The following NHSL1 variants were observed in gnomAD, a reference collection of about 807,000 sequenced individuals.
NHSL1 encodes NHS-like protein 1.
NHSL1 carries 48 observed loss-of-function variants against 95.0 expected under a neutral mutation model. That is an observed-to-expected ratio of 0.51 (90% confidence interval 0.40 to 0.64). The LOEUF is 0.64. Ranked by LOEUF, NHSL1 falls within the 30% of genes least tolerant of loss-of-function variation. The pLI is 0.00. For missense variants in NHSL1, 1,971 were observed against 2,077.7 expected (o/e 0.95, Z 1.00); for synonymous variants, 783 against 833.9 (o/e 0.94, Z 1.05).
chr6:138,683,847 G>A (rs1785544886), intron 1 of NHSL1, among the ~76,000 whole-genome samples: 1 of 152,210 alleles, frequency 6.6e-6, no homozygotes, highest in Non-Finnish European at 1.5e-5. Context: ...CAGAGCCATT[G>A]TACATATTAA....
At chr6:138,500,411 T>C (rs1222864783), upstream of NHSL1, among the ~76,000 whole-genome samples, 2 of 151,590 alleles carry the variant, frequency 1.3e-5, no homozygotes, top group Admixed American at 1.3e-4. Flanking sequence ...GGTAAAGGGA[T>C]AGGAAAAAAG....
intron 1 of NHSL1, among the ~76,000 whole-genome samples, chr6:138,583,168 T>C (rs1054486774): frequency 3.3e-5 from 5 of 152,080 alleles, no homozygotes; most frequent in African/African-American, 9.7e-5. Context: ...AGGTGTCCCT[T>C]CCCCTCCTAG....
chr6:138,665,956 CCAT>C lies in NHSL1; in HGVS notation c.96+26517_96+26519del, dbSNP rs982698478. Among the ~76,000 whole-genome samples the C allele has an allele frequency of 7.1e-4, 108 of 152,162 alleles. 1 individual carries two copies. The highest frequency in any genetic ancestry group is 2.2e-3 in the African/African-American group (93 of 41,434). ...CTGTGTCTATTGAGAATAAAATTAT[CCAT>C]AAGACAAATGCTAGCTCTTGAGGTG... On this transcript the variant is annotated intron_variant, in intron 1 of 3. Transcript: ENST00000491526.
At chr6:138,657,412 G>A (rs575482910) in intron 1 of NHSL1, among the ~76,000 whole-genome samples, 8 of 152,298 alleles carry the variant, frequency 5.3e-5, no homozygotes, top group African/African-American at 1.2e-4. Flanking sequence ...CAACACTAGG[G>A]CTGATTCACC....
intron 4 of NHSL1, among the ~76,000 whole-genome samples, chr6:138,443,046 CAT>C (rs921787135): frequency 1.4e-5 from 2 of 147,126 alleles, no homozygotes; most frequent in African/African-American, 5.4e-5. Context: ...CATATATATA[CAT>C]ATATACACAC....
At chr6:138,669,994 G>A (rs1357983235) in intron 1 of NHSL1, among the ~76,000 whole-genome samples, 1 of 152,142 alleles carries the variant, frequency 6.6e-6, no homozygotes, top group African/African-American at 2.4e-5. Flanking sequence ...GGTAACATGT[G>A]CCTGTAATCC....
At position 138,430,161 on chromosome 6, in the gene NHSL1, C is replaced by G. The variant is rs1775538898; in HGVS notation, c.3952+232G>C. Among the ~76,000 whole-genome samples the G allele has an allele frequency of 4.6e-5, 7 of 152,184 alleles. 1 individual carries two copies. Among genetic ancestry groups the G allele is most frequent in the Admixed American group, 4.6e-4 (7 of 15,282 alleles). On this transcript the variant is annotated intron_variant, in intron 6 of 7. Transcript: ENST00000343505. This position sits in a 1 kb window ranked among gnomAD's most constrained non-coding sequence, Gnocchi z 4.7. ...ATACCCAGCCTGCTGCAGATCATCT[C>G]CATCCCCCTATTTTCTGCCATGCCT...
rs147473118 is a variant in NHSL1 at position 138,523,034 on chromosome 6, C to G, written c.16+22589G>C. Reference sequence around the variant, plus strand: ...GGGTCTCTGTCCCCCCACCCCCACCCTTTCATGATCTCTCTGTATAACATT... The same window carrying G: ...GGGTCTCTGTCCCCCCACCCCCACCGTTTCATGATCTCTCTGTATAACATT... On this transcript the variant is annotated intron_variant, in intron 1 of 4. Coordinates refer to the NHSL1 transcript ENST00000342260. Among the ~76,000 whole-genome samples the G allele has an allele frequency of 2.2e-3, 331 of 151,886 alleles. 2 individuals carry two copies. The highest frequency in any genetic ancestry group is 7.7e-3 in the African/African-American group (320 of 41,340).
intron 2 of NHSL1, among the ~76,000 whole-genome samples, chr6:138,475,586 A>T (rs1328963978): frequency 6.6e-6 from 1 of 152,044 alleles, no homozygotes; most frequent in Non-Finnish European, 1.5e-5. Context: ...TAAATACTGG[A>T]TTAGATTTTC....
intron 4 of NHSL1, among the ~76,000 whole-genome samples, chr6:138,444,987 T>A (rs1051753855): frequency 6.6e-6 from 1 of 152,200 alleles, no homozygotes; most frequent in Non-Finnish European, 1.5e-5. Context: ...CTTTCTTTAT[T>A]GTCATTCACC....
At chr6:138,486,865 C>T (rs7752793) in intron 2 of NHSL1, among the ~76,000 whole-genome samples, 8,550 of 152,200 alleles carry the variant, frequency 0.056, 779 homozygotes, top group African/African-American at 0.19. Flanking sequence ...TCATAAGCAG[C>T]AGAATGGTGG....
At chr6:138,485,953 G>A (rs1010296827) in intron 2 of NHSL1, among the ~76,000 whole-genome samples, 1 of 152,082 alleles carries the variant, frequency 6.6e-6, no homozygotes, top group Admixed American at 6.6e-5. Flanking sequence ...ATATGGCGGG[G>A]GCCACATTGC....
intron 1 of NHSL1, among the ~76,000 whole-genome samples, chr6:138,521,606 A>G (rs1781687150): frequency 6.6e-6 from 1 of 152,148 alleles, no homozygotes; most frequent in African/African-American, 2.4e-5. Context: ...TCTGTCACAC[A>G]TTTTAGGTTG....
At chr6:138,514,318 AAAACAAACAAAC>A (rs59958557) in intron 1 of NHSL1, among the ~76,000 whole-genome samples, 1 of 149,698 alleles carries the variant, frequency 6.7e-6, no homozygotes, top group African/African-American at 2.5e-5. Context: ...ACTCCATCTC[AAAACAAACAAAC>A]AAACAAACAA....
In NHSL1 at chr6:138,690,084, G is replaced by A. The variant is rs115014399; in HGVS notation, c.96+2392C>T. On this transcript the variant is annotated intron_variant, in intron 1 of 3. Coordinates refer to the NHSL1 transcript ENST00000491526. Reference sequence around the variant, plus strand: ...AATTAACTGCAATGCTGTTGGACTGGATTTCCTCTCTGGGTAAGAATTCAC... The same window carrying A: ...AATTAACTGCAATGCTGTTGGACTGAATTTCCTCTCTGGGTAAGAATTCAC... Among the ~76,000 whole-genome samples the A allele has an allele frequency of 5.7e-3, 870 of 152,306 alleles. 7 individuals are homozygous for A. The highest frequency in any genetic ancestry group is 0.019 in the African/African-American group (796 of 41,572).
intron 1 of NHSL1, chr6:138,512,198 C>T (rs1162678237): frequency 4.6e-6 from 2 of 437,114 alleles, no homozygotes; most frequent in Admixed American, 5.1e-5. Flanking sequence ...CTTTCCCATG[C>T]TTAATGTTTA....
chr6:138,447,033 A>T lies in NHSL1; in HGVS notation c.500T>A (p.Val167Asp). Residue 167 changes from valine (V) to aspartate (D), a missense_variant, in exon 4 of 8, where the codon GTC becomes GAC. Transcript: ENST00000343505. ...GTTAATAGGCACCACGTCAGCCTGG[A>T]CTGTTTGGGCTTGCTGTCGCATCTT... ...EEKMRQQAQT[V>D]QADVVPINIT... 1 of 1,551,670 alleles carries T rather than the reference A, an allele frequency of 6.4e-7. No homozygotes were observed. Among genetic ancestry groups the T allele is most frequent in the South Asian group, 1.2e-5 (1 of 84,050 alleles).
chr6:138,650,287 G>A, intron 1 of NHSL1: 1 of 685,138 alleles, frequency 1.5e-6, no homozygotes, highest in South Asian at 1.4e-5. Flanking sequence ...TGGAAGAGCT[G>A]GCCCTACATA....
At position 138,499,311 on chromosome 6, in the gene NHSL1, G is replaced by C. The variant is rs1254254818; in HGVS notation, c.-21C>G. The C allele has an allele frequency of 1.3e-6, 2 of 1,550,066 alleles. No individual in the cohort carries two copies. The highest frequency in any genetic ancestry group is 4.9e-5 in the East Asian group (2 of 40,882). On this transcript the variant is annotated 5_prime_UTR_variant, in exon 1 of 8. Transcript: ENST00000343505. ...ACCATTTCCAGGGCACCTACATAGAGCTTAGAAATGTAAATCACATTAAAA... is the reference window on the plus strand; with the variant it reads ...ACCATTTCCAGGGCACCTACATAGACCTTAGAAATGTAAATCACATTAAAA...
Sources: allele counts gnomAD v4.1 joint callset (sites outside exome capture counted in the v4.1 genomes callset), GRCh38; gene constraint gnomAD v4.1.1; non-coding constraint Gnocchi (gnomAD v3.1); transcripts MANE v1.5; gene names NCBI Gene and HGNC (gene_info 2026-07-23, HGNC 2026-07-21).